RNF213: variants seen among roughly 807,000 people sequenced by gnomAD.
RNF213 encodes the protein E3 ubiquitin-protein ligase RNF213.
Under a neutral mutation model 514.4 loss-of-function variants are expected in RNF213, and 341 were observed. The observed-to-expected ratio is 0.66, with a 90% CI of 0.61 to 0.73. The LOEUF (loss-of-function observed/expected upper bound fraction) is 0.73. Among genes scored for constraint, RNF213 ranks in the 30% least tolerant of loss-of-function variants. RNF213 has a pLI of 0.00. For synonymous variants in RNF213, 2,655 were observed against 2,658.2 expected (o/e 1.00, Z 0.04); for missense variants, 5,767 against 6,615.6 (o/e 0.87, Z 4.45).
At chr17:80,337,533 G>A (rs1378111113) in intron 23 of RNF213, 53 bp from the exon 24 acceptor site, 2 of 1,526,510 alleles carry the variant, frequency 1.3e-6, no homozygotes, top group East Asian at 4.9e-5. Flanking sequence ...GAGGGAGAAG[G>A]GCAAGATCCT....
chr17:80,321,127 A>T (rs1454488327), intron 17 of RNF213: 2 of 152,266 alleles, frequency 1.3e-5, no homozygotes, highest in Admixed American at 1.3e-4. Context: ...CATTTACATA[A>T]TGAGATGTCT....
In RNF213 at chr17:80,307,112, T is replaced by C; in HGVS notation, c.2428-16T>C. 1 of 1,613,620 alleles carries C rather than the reference T, an allele frequency of 6.2e-7. No homozygotes were observed. Among genetic ancestry groups the C allele is most frequent in the Non-Finnish European group, 8.5e-7 (1 of 1,179,640 alleles). ...TTCAATCTTTTGTCCTGTTTTTCTTTTTTTCTCTGCCTTAGGATGTTCAGG... is the reference window on the plus strand; with the variant it reads ...TTCAATCTTTTGTCCTGTTTTTCTTCTTTTCTCTGCCTTAGGATGTTCAGG... On this transcript the variant is annotated splice_polypyrimidine_tract_variant and intron_variant, in intron 12 of 67. Coordinates refer to ENST00000582970, the MANE Select transcript of RNF213 (RefSeq NM_001256071.3).
intron 3 of RNF213, among the ~76,000 whole-genome samples, chr17:80,280,997 G>A (rs1294461170): frequency 6.6e-6 from 1 of 151,806 alleles, no homozygotes; most frequent in Non-Finnish European, 1.5e-5. Context: ...ATACACGGGT[G>A]TGGAAAGTGG....
chr17:80,330,493 G>A (rs2046385027), intron 20 of RNF213, among the ~76,000 whole-genome samples: 2 of 152,160 alleles, frequency 1.3e-5, no homozygotes, highest in African/African-American at 4.8e-5. Context: ...GGGAGAAGCG[G>A]GCTGGCGGGC....
chr17:80,315,727 C>CTAGAGGTGATGGCGGTCG (rs2045898083), intron 15 of RNF213: 3 of 86,402 alleles, frequency 3.5e-5, no homozygotes, highest in Non-Finnish European at 6.6e-5. Flanking sequence ...GGTGGAGGTA[C>CTAGAGGTGATGGCGGTCG]TGGAGGTGAT....
chr17:80,396,112 G>A lies in RNF213; in HGVS notation c.*2614G>A, dbSNP rs2080654512. On this transcript the variant is annotated 3_prime_UTR_variant, in exon 68 of 68. Transcript: ENST00000582970. ...CATTATCTCCTTCTCTTTGAGACCTGACTGAAAAAATTAGGTGTGCACACC... is the reference window on the plus strand; with the variant it reads ...CATTATCTCCTTCTCTTTGAGACCTAACTGAAAAAATTAGGTGTGCACACC... 1 of 152,054 alleles carries A rather than the reference G, an allele frequency of 6.6e-6. No homozygotes were observed. The highest frequency in any genetic ancestry group is 1.5e-5 in the Non-Finnish European group (1 of 68,010). The allele number at this position is 152,054 out of a possible 1,614,324, so 9.4% of individuals were successfully genotyped here. A position where few individuals can be genotyped will look rare whatever the true frequency, so the allele number is the denominator to read the frequency against.
rs1266335233 is a variant in RNF213 at position 80,394,603 on chromosome 17, G to C, written c.*1105G>C. 1.3e-5 allele frequency: 2 copies of C among 152,210 alleles called. No individual in the cohort carries two copies. The highest frequency in any genetic ancestry group is 4.8e-5 in the African/African-American group (2 of 41,428). 9.4% of individuals were successfully genotyped at this position (152,210 alleles called of 1,614,324 possible). A position where few individuals can be genotyped will look rare whatever the true frequency, so the allele number is the denominator to read the frequency against. ...GCTCAGCACAGCTATTGATATGTTA[G>C]AGGCAGTATCCTTAATATTCATTCT... On this transcript the variant is annotated 3_prime_UTR_variant, in exon 68 of 68. Transcript: ENST00000582970.
At chr17:80,316,262 T>G (rs2045945968) in intron 15 of RNF213, 1 of 152,120 alleles carries the variant, frequency 6.6e-6, no homozygotes, top group African/African-American at 2.4e-5. Flanking sequence ...TTAAAATATT[T>G]TTTTTACAGT....
Position 80,389,225 on chromosome 17 carries a change from A to G in RNF213, c.15053A>G (p.Tyr5018Cys). The G allele has an allele frequency of 6.2e-7, 1 of 1,614,202 alleles. No individual in the cohort carries two copies. The highest frequency in any genetic ancestry group is 8.5e-7 in the Non-Finnish European group (1 of 1,180,012). Residue 5018 changes from tyrosine (Y) to cysteine (C), a missense_variant, in exon 65 of 68, where the codon TAC (tyrosine) becomes TGC (cysteine). Tyr to Cys is a radical substitution (Grantham distance 194). This residue lies in a region of RNF213 where 1,245 missense variants were observed against 1,339.0 expected (regional missense o/e 0.93). Transcript: ENST00000582970. ...GCCATCAGTGGACAGCTGCAGTCCT[A>G]CAGCGATGCCTGTGAAGTGCTGTCT... is the stretch of plus-strand genomic sequence containing the variant. ...ISAISGQLQS[Y>C]SDACEVLSVV... is the part of the protein sequence containing the mutation.
chr17:80,278,507 GGT>G (rs1453207735), intron 3 of RNF213, among the ~76,000 whole-genome samples: 1 of 152,208 alleles, frequency 6.6e-6, no homozygotes, highest in Non-Finnish European at 1.5e-5. Flanking sequence ...TGCCGCCTCT[GGT>G]GTGGGCAGTT....
Position 80,294,845 on chromosome 17 carries a change from A to G in RNF213, c.1597A>G (p.Met533Val), listed in dbSNP as rs2044875418. ...GGGGAAGCAGATTGCCGCTGCGCTC[A>G]TGCTGGACAGCACCTTCAGCATCCT... ...VKGKQIAAAL[M>V]LDSTFSILQT... is the part of the protein sequence containing the mutation. The change falls in exon 9 of 68, where the codon ATG becomes GTG. Residue 533 changes from methionine (M) to valine (V), a missense_variant. Met to Val is a conservative substitution (Grantham distance 21). Transcript: ENST00000582970. 6.2e-7 allele frequency: 1 copy of G among 1,614,244 alleles called. No individual in the cohort carries two copies. Among genetic ancestry groups the G allele is most frequent in the Non-Finnish European group, 8.5e-7 (1 of 1,180,052 alleles).
At chr17:80,271,797 T>C (rs1182418682) in intron 2 of RNF213, among the ~76,000 whole-genome samples, 2 of 150,754 alleles carry the variant, frequency 1.3e-5, no homozygotes, top group African/African-American at 4.9e-5. Context: ...ACCAACATGG[T>C]GAAACCCCGT....
intron 17 of RNF213, chr17:80,319,892 C>T (rs892737534): frequency 1.7e-5 from 18 of 1,090,066 alleles, no homozygotes; most frequent in Non-Finnish European, 2.0e-5. Context: ...TGTACAAGCA[C>T]AGCCTTGCGG....
At position 80,381,711 on chromosome 17, in the gene RNF213, C is replaced by G; in HGVS notation, c.13962C>G (p.His4654Gln). ...LVLRRLLQEQ[H>Q]QLSSRRLLNF... ...TGCGCAGGCTTCTCCAAGAGCAGCA[C>G]CAGCTCTCTAGCAGAAGTGAGGAAA... Residue 4654 changes from histidine (H) to glutamine (Q), a missense_variant, in exon 57 of 68, where the codon CAC becomes CAG. Physicochemically the swap from His to Gln is conservative, Grantham distance 24. This residue lies in a region of RNF213 where 1,245 missense variants were observed against 1,339.0 expected (regional missense o/e 0.93). Transcript: ENST00000582970. The G allele has an allele frequency of 6.2e-7, 1 of 1,613,792 alleles. No homozygotes were observed. Among genetic ancestry groups the G allele is most frequent in the Non-Finnish European group, 8.5e-7 (1 of 1,179,966 alleles).
chr17:80,375,965 A>AT lies in RNF213; in HGVS notation c.13185+102dup, dbSNP rs537867605. On this transcript the variant is annotated intron_variant, in intron 51 of 67. Coordinates refer to ENST00000582970, the MANE Select transcript of RNF213 (RefSeq NM_001256071.3). Reference sequence around the variant, plus strand: ...AGTTATCAACACAAATCATACCATAATTTTTTTATCTAGGATAGAGGTTCT... The same window carrying AT: ...AGTTATCAACACAAATCATACCATAATTTTTTTTATCTAGGATAGAGGTTCT... 3.9e-4 allele frequency: 391 copies of AT among 1,004,064 alleles called. 1 individual carries two copies. In the African/African-American group the frequency reaches 4.9e-3, roughly 13 times the overall value. The allele number at this position is 1,004,064 out of a possible 1,614,324, so 62.2% of individuals were successfully genotyped here. A position where few individuals can be genotyped will look rare whatever the true frequency, so the allele number is the denominator to read the frequency against.
At chr17:80,373,507 T>G (rs1010955635) in intron 49 of RNF213, among the ~76,000 whole-genome samples, 8 of 151,906 alleles carry the variant, frequency 5.3e-5, no homozygotes, top group African/African-American at 1.9e-4. Context: ...AGGGCCAAGG[T>G]GAGGGCACTC....
intron 28 of RNF213, 59 bp from the exon 29 acceptor site, chr17:80,344,619 C>T (rs1568100570): frequency 6.3e-7 from 1 of 1,597,544 alleles, no homozygotes; most frequent in Non-Finnish European, 8.6e-7. Context: ...GGTTAAGACA[C>T]AAAAGCATTT....
intron 3 of RNF213, among the ~76,000 whole-genome samples, chr17:80,282,944 C>T (rs905690400): frequency 5.9e-5 from 9 of 151,462 alleles, no homozygotes; most frequent in South Asian, 2.1e-4. Context: ...GTGATCCGCC[C>T]GCCTCGTTCT....
At chr17:80,292,170 C>T (rs569510571) in intron 8 of RNF213, among the ~76,000 whole-genome samples, 12 of 152,186 alleles carry the variant, frequency 7.9e-5, no homozygotes, top group East Asian at 1.9e-4. Flanking sequence ...CTGCAACCTC[C>T]GCCTCCCAGG....
Sources: gnomAD v4.1 joint callset for allele counts (sites outside exome capture counted in the v4.1 genomes callset) on GRCh38, gnomAD v4.1.1 for gene constraint, gnomAD v4.1.1 regional missense constraint, MANE v1.5 for transcripts, NCBI Gene and HGNC (gene_info 2026-07-23, HGNC 2026-07-21) for gene names.